The following PHC2 variants were observed in gnomAD, a reference collection of about 807,000 sequenced individuals.
PHC2 encodes the protein polyhomeotic-like protein 2.
PHC2 carries 29 observed loss-of-function variants against 87.4 expected under a neutral mutation model. The observed-to-expected ratio is 0.33, with a 90% confidence interval of 0.25 to 0.45. PHC2 has a LOEUF of 0.45. PHC2 is among the 20% of genes least tolerant of loss of function. PHC2 has a pLI of 1.00. For missense variants in PHC2, 857 were observed against 1,136.7 expected, an observed-to-expected ratio of 0.75 and a Z score of 3.54; for synonymous variants, 438 against 461.7, an observed-to-expected ratio of 0.95 and a Z score of 0.66.
chr1:33,344,244 GT>G (rs1646803398), intron 9 of PHC2, among the ~76,000 whole-genome samples: 1 of 152,164 alleles, frequency 6.6e-6, no homozygotes, highest in South Asian at 2.1e-4. Flanking sequence ...ATCTAGAAAT[GT>G]TTAGTAAACT....
At chr1:33,425,641 A>ATC (rs1650639047) in intron 1 of PHC2, among the ~76,000 whole-genome samples, 1 of 152,230 alleles carries the variant, frequency 6.6e-6, no homozygotes, top group Non-Finnish European at 1.5e-5. Flanking sequence ...ATTGAGTCTT[A>ATC]AAAGATAAGT....
At chr1:33,393,200 A>G (rs551538986) in intron 1 of PHC2, among the ~76,000 whole-genome samples, 21 of 152,130 alleles carry the variant, frequency 1.4e-4, no homozygotes, top group Non-Finnish European at 2.2e-4. Flanking sequence ...AACCTCGAAT[A>G]CTCTGAAAAC....
intron 3 of PHC2, among the ~76,000 whole-genome samples, chr1:33,371,973 C>A (rs1262081466): frequency 6.6e-6 from 1 of 152,230 alleles, no homozygotes; most frequent in African/African-American, 2.4e-5. Context: ...CAGGCAGTGC[C>A]CTTCGTTCAC....
chr1:33,347,009 A>G (rs1378834735), intron 9 of PHC2: 4 of 985,312 alleles, frequency 4.1e-6, no homozygotes, highest in East Asian at 2.3e-4. Flanking sequence ...TCATCCATCT[A>G]CTTACTCCTC....
intron 2 of PHC2, among the ~76,000 whole-genome samples, chr1:33,373,063 T>A (rs1319079900): frequency 1.3e-5 from 2 of 152,232 alleles, no homozygotes; most frequent in Admixed American, 1.3e-4. Flanking sequence ...AGAATAAGGT[T>A]GTCTGGGCCT....
chr1:33,325,196 C>T (rs1297022072), intron 14 of PHC2, 177 bp from the exon 15 acceptor site: 7 of 625,698 alleles, frequency 1.1e-5, no homozygotes, highest in African/African-American at 3.7e-5. Flanking sequence ...AGAGGCTGTG[C>T]AACTCACCCA....
At chr1:33,392,209 A>G (rs924469498) in intron 1 of PHC2, among the ~76,000 whole-genome samples, 10 of 152,088 alleles carry the variant, frequency 6.6e-5, no homozygotes, top group African/African-American at 2.4e-4. Context: ...ACATACACAA[A>G]TGCTCTCTTT....
intron 6 of PHC2, among the ~76,000 whole-genome samples, chr1:33,367,868 A>G (rs1355576334): frequency 6.6e-6 from 1 of 152,166 alleles, no homozygotes; most frequent in East Asian, 1.9e-4. Context: ...CCACCGGGCA[A>G]ATATCTTGTC....
chr1:33,426,731 G>T (rs1271777863), intron 1 of PHC2, among the ~76,000 whole-genome samples: 1 of 152,132 alleles, frequency 6.6e-6, no homozygotes, highest in Non-Finnish European at 1.5e-5. Context: ...GTGTGATTGT[G>T]CAGCATGACA....
At chr1:33,339,957 T>C (rs1369666851) in intron 9 of PHC2, among the ~76,000 whole-genome samples, 1 of 152,220 alleles carries the variant, frequency 6.6e-6, no homozygotes, top group African/African-American at 2.4e-5. Flanking sequence ...TCTGGGATGC[T>C]CAATCTGTAC....
intron 1 of PHC2, among the ~76,000 whole-genome samples, chr1:33,421,954 C>A (rs1186480032): frequency 6.6e-6 from 1 of 152,152 alleles, no homozygotes; most frequent in South Asian, 2.1e-4. Context: ...ATGGCCTCCA[C>A]CATAAAGTCC....
intron 4 of PHC2, 55 bp downstream of exon 4, chr1:33,370,962 G>T: frequency 7.0e-7 from 1 of 1,422,576 alleles, no homozygotes; most frequent in Non-Finnish European, 9.9e-7. Flanking sequence ...CTGGGAACTT[G>T]GGCATTTTGG....
intron 7 of PHC2, chr1:33,363,896 C>G: frequency 1.0e-6 from 1 of 985,292 alleles, no homozygotes; most frequent in Non-Finnish European, 1.2e-6. Flanking sequence ...CTTCTGCCCT[C>G]CATTGCTCAG....
intron 9 of PHC2, among the ~76,000 whole-genome samples, chr1:33,352,126 A>AT (rs1646985888): frequency 6.6e-6 from 1 of 152,204 alleles, no homozygotes; most frequent in Admixed American, 6.5e-5. Context: ...TGAGAGCTTT[A>AT]TGGAGGAGAA....
intron 12 of PHC2, among the ~76,000 whole-genome samples, chr1:33,330,543 G>A (rs902434913): frequency 6.6e-6 from 1 of 152,230 alleles, no homozygotes; most frequent in African/African-American, 2.4e-5. Context: ...ATGTTACCCT[G>A]TGACGGGAAA....
chr1:33,413,582 A>G (rs2148394833), intron 1 of PHC2, among the ~76,000 whole-genome samples: 1 of 152,350 alleles, frequency 6.6e-6, no homozygotes, highest in Non-Finnish European at 1.5e-5. Context: ...TCAAAAGTGA[A>G]GCTCTTTATG....
At chr1:33,361,872 C>A (rs1291581999) in intron 7 of PHC2, among the ~76,000 whole-genome samples, 1 of 152,192 alleles carries the variant, frequency 6.6e-6, no homozygotes, top group African/African-American at 2.4e-5. Flanking sequence ...CTGTGCCGGT[C>A]ACTTGCACAG....
chr1:33,341,874 C>A (rs1646752071), intron 9 of PHC2, among the ~76,000 whole-genome samples: 2 of 152,202 alleles, frequency 1.3e-5, no homozygotes, highest in Admixed American at 1.3e-4. Context: ...TACCAGAAGG[C>A]AGGGGGAACA....
chr1:33,376,169 G>A (rs1648167712), intron 1 of PHC2, among the ~76,000 whole-genome samples: 1 of 151,740 alleles, frequency 6.6e-6, no homozygotes, highest in Admixed American at 6.6e-5. Context: ...TGAGTAGCTG[G>A]GATTACAGGC....
Sources: allele counts gnomAD v4.1 joint callset (sites outside exome capture counted in the v4.1 genomes callset), GRCh38; gene constraint gnomAD v4.1.1; transcripts MANE v1.5; gene names NCBI Gene and HGNC (gene_info 2026-07-23, HGNC 2026-07-21).